HDAC4: variants seen among roughly 807,000 people sequenced by gnomAD.
The protein encoded by HDAC4 is histone deacetylase 4.
HDAC4 carries 16 observed loss-of-function variants against 135.1 expected under a neutral mutation model. The ratio of observed to expected loss-of-function variants is 0.12; its 90% confidence interval spans 0.08 to 0.18. The LOEUF is 0.18. HDAC4 is among the 10% of genes least tolerant of loss of function. The pLI, the probability that HDAC4 is intolerant of heterozygous loss-of-function variation, is 1.00. For missense variants in HDAC4, 1,143 were observed against 1,511.8 expected, an observed-to-expected ratio of 0.76 and a Z score of 4.05; for synonymous variants, 685 against 653.4, an observed-to-expected ratio of 1.05 and a Z score of -0.74.
intron 2 of HDAC4, among the ~76,000 whole-genome samples, chr2:239,338,770 G>A (rs892217385): frequency 4.6e-5 from 7 of 152,170 alleles, no homozygotes; most frequent in African/African-American, 7.2e-5. Flanking sequence ...GATTCCATAA[G>A]CATCCAAGGC....
At chr2:239,372,120 T>C (rs1694666220) in intron 1 of HDAC4, among the ~76,000 whole-genome samples, 1 of 152,144 alleles carries the variant, frequency 6.6e-6, no homozygotes, top group Non-Finnish European at 1.5e-5. Context: ...CATAGGAACC[T>C]GATGGGGAGC....
chr2:239,369,259 A>G (rs571397516), intron 1 of HDAC4, among the ~76,000 whole-genome samples: 27 of 152,240 alleles, frequency 1.8e-4, no homozygotes, highest in Admixed American at 7.2e-4. Flanking sequence ...AACTGCCCAC[A>G]GTTCTGAGTT....
chr2:239,291,323 C>G (rs1321497099), intron 2 of HDAC4, among the ~76,000 whole-genome samples: 1 of 152,202 alleles, frequency 6.6e-6, no homozygotes, highest in Non-Finnish European at 1.5e-5. Flanking sequence ...ATGGGCCTTG[C>G]CAGGCCAGCT....
chr2:239,258,956 T>C (rs931509364), intron 2 of HDAC4, among the ~76,000 whole-genome samples: 31 of 152,090 alleles, frequency 2.0e-4, no homozygotes, highest in African/African-American at 7.5e-4. Context: ...CTATGCAAAG[T>C]ATGGAAAGAA....
intron 3 of HDAC4, among the ~76,000 whole-genome samples, chr2:239,190,823 A>G (rs1342989338): frequency 6.6e-6 from 1 of 152,236 alleles, no homozygotes; most frequent in African/African-American, 2.4e-5. Flanking sequence ...AGCTGAATCA[A>G]TTTCATTCCT....
Position 239,068,283 on chromosome 2 carries a change from G to A in HDAC4, c.2869+206C>T, listed in dbSNP as rs1441384065. On this transcript the variant is annotated intron_variant, in intron 23 of 26. Coordinates refer to ENST00000543185, the MANE Select transcript of HDAC4 (RefSeq NM_001378414.1). This position sits in a 1 kb window ranked among gnomAD's most constrained non-coding sequence, Gnocchi z 4.4. ...CCTTCCTGGGCAAAGAGTGCCCGAG[G>A]TGCCTGGGTCTGAGCTCCCGCTGCC... Among the ~76,000 whole-genome samples the A allele has an allele frequency of 3.9e-5, 6 of 152,214 alleles. No individual in the cohort carries two copies. Among genetic ancestry groups the A allele is most frequent in the African/African-American group, 1.2e-4 (5 of 41,460 alleles).
At chr2:239,355,723 T>C (rs1693450766) in intron 1 of HDAC4, among the ~76,000 whole-genome samples, 1 of 152,214 alleles carries the variant, frequency 6.6e-6, no homozygotes, top group Non-Finnish European at 1.5e-5. Context: ...TTTATTTATC[T>C]TCAAATAGGA....
intron 24 of HDAC4, among the ~76,000 whole-genome samples, chr2:239,062,321 C>T (rs891820191): frequency 2.0e-5 from 3 of 152,352 alleles, no homozygotes; most frequent in Non-Finnish European, 2.9e-5. Context: ...ACAGGGTCCC[C>T]GCAGGCCACT....
At chr2:239,393,976 C>T (rs962988510) in intron 1 of HDAC4, among the ~76,000 whole-genome samples, 1 of 150,686 alleles carries the variant, frequency 6.6e-6, no homozygotes, top group Admixed American at 6.6e-5. Flanking sequence ...ACCCCCCCTC[C>T]ACCCCCAACC....
In HDAC4 at chr2:239,180,879, C is replaced by T. The variant is rs117990216; in HGVS notation, c.340-4316G>A. Among the ~76,000 whole-genome samples the T allele has an allele frequency of 1.2e-3, 183 of 152,354 alleles. 1 individual carries two copies. In the East Asian group the frequency reaches 0.014, roughly 12 times the overall value. On this transcript the variant is annotated intron_variant, in intron 4 of 26. Coordinates refer to ENST00000543185, the MANE Select transcript of HDAC4 (RefSeq NM_001378414.1). ...CCAGCCTCCAGGACGGAGACCACAG[C>T]GCTGGTCTTTCCCGGCCCACCTGGG...
intron 2 of HDAC4, among the ~76,000 whole-genome samples, chr2:239,272,232 C>T (rs1433755202): frequency 6.6e-6 from 1 of 152,198 alleles, no homozygotes; most frequent in Non-Finnish European, 1.5e-5. Flanking sequence ...AGGGGGCCCA[C>T]ATCATCGTTC....
At position 239,048,645 on chromosome 2, in the gene HDAC4, A is replaced by G. The variant is rs1227644744; in HGVS notation, c.*4452T>C. 1.3e-5 allele frequency: 2 copies of G among 152,194 alleles called. No homozygotes were observed. Among genetic ancestry groups the G allele is most frequent in the Admixed American group, 1.3e-4 (2 of 15,278 alleles). 9.4% of individuals were successfully genotyped at this position (152,194 alleles called of 1,614,324 possible). A position where few individuals can be genotyped will look rare whatever the true frequency, so the allele number is the denominator to read the frequency against. On this transcript the variant is annotated 3_prime_UTR_variant, in exon 27 of 27. Coordinates refer to ENST00000543185, the MANE Select transcript of HDAC4 (RefSeq NM_001378414.1). ...TTGGAAAATAGCGCCTCCACTATGG[A>G]GCACACACGGCAAAAAAAACAAACA... is the stretch of plus-strand genomic sequence containing the variant.
intron 2 of HDAC4, among the ~76,000 whole-genome samples, chr2:239,282,934 GCAAA>G (rs1449403192): frequency 2.0e-4 from 27 of 133,382 alleles, no homozygotes; most frequent in African/African-American, 5.2e-4. Context: ...ACACCACTCT[GCAAA>G]CAATGTACAC....
At chr2:239,271,807 C>T (rs2050074786) in intron 2 of HDAC4, among the ~76,000 whole-genome samples, 1 of 152,176 alleles carries the variant, frequency 6.6e-6, no homozygotes, top group Non-Finnish European at 1.5e-5. Flanking sequence ...CATAATTAAC[C>T]TCTCAACAGG....
At position 239,111,668 on chromosome 2, in the gene HDAC4, G is replaced by T; in HGVS notation, c.1836C>A (p.Asn612Lys). 6.2e-7 allele frequency: 1 copy of T among 1,605,274 alleles called. No homozygotes were observed. The highest frequency in any genetic ancestry group is 8.5e-7 in the Non-Finnish European group (1 of 1,176,592). ...LEQQRIHQLR[N>K]YQASMEAAGI... is the part of the protein sequence containing the mutation. ...CGGCGGCCTCCATGGACGCCTGGTAGTTCCTCAGCTGGTGGATCCGCTGCT... is the reference window on the plus strand; with the variant it reads ...CGGCGGCCTCCATGGACGCCTGGTATTTCCTCAGCTGGTGGATCCGCTGCT... Residue 612 changes from asparagine (N) to lysine (K), a missense_variant, in exon 14 of 27, where the codon AAC (asparagine) becomes AAA (lysine). By Grantham distance (94) the Asn-to-Lys change is moderately conservative. Around this residue, in one of 9 missense-constraint regions of HDAC4, gnomAD observed 196 missense variants for 210.7 expected, o/e 0.93. Transcript: ENST00000543185.
intron 26 of HDAC4, 130 bp from the exon 27 acceptor site, chr2:239,053,266 G>C: frequency 2.2e-6 from 3 of 1,362,698 alleles, no homozygotes; most frequent in Non-Finnish European, 3.1e-6. Flanking sequence ...GCAGCCCCGG[G>C]TCCATCTGTT....
Position 239,309,705 on chromosome 2 carries a change from T to C in HDAC4, c.22+42973A>G, listed in dbSNP as rs920826742. ...GGCAGAGCTCCGCCAGCAAGTATCC[T>C]GGGAGCTGGGGGGCCTCAAGGGAGG... On this transcript the variant is annotated intron_variant, in intron 2 of 26. Coordinates refer to ENST00000543185, the MANE Select transcript of HDAC4 (RefSeq NM_001378414.1). The surrounding 1 kb of genome is among the most constrained non-coding windows in gnomAD (Gnocchi z 4.2). 6.6e-6 allele frequency among the ~76,000 whole-genome samples: 1 copy of C among 152,236 alleles called. No individual in the cohort carries two copies. Among genetic ancestry groups the C allele is most frequent in the African/African-American group, 2.4e-5 (1 of 41,472 alleles).
At chr2:239,222,187 G>C (rs780691707) in intron 3 of HDAC4, among the ~76,000 whole-genome samples, 1 of 152,156 alleles carries the variant, frequency 6.6e-6, no homozygotes, top group African/African-American at 2.4e-5. Flanking sequence ...GTGGAATTCC[G>C]TGTGCAGAGT....
At position 239,081,086 on chromosome 2, in the gene HDAC4, GA is replaced by G; in HGVS notation, c.2750+8del. 6.2e-7 allele frequency: 1 copy of G among 1,602,836 alleles called. No individual in the cohort carries two copies. Among genetic ancestry groups the G allele is most frequent in the Non-Finnish European group, 8.5e-7 (1 of 1,170,406 alleles). ...TACTTCAGGTGTCATGTGAAGCCGGGAGGCTCACCTGAAGGCCGCCAAGTAC... is the reference window on the plus strand; with the variant it reads ...TACTTCAGGTGTCATGTGAAGCCGGGGGCTCACCTGAAGGCCGCCAAGTAC... On this transcript the variant is annotated splice_region_variant and intron_variant, in intron 22 of 26. Transcript: ENST00000543185.
Sources: allele counts gnomAD v4.1 joint callset (sites outside exome capture counted in the v4.1 genomes callset), GRCh38; gene constraint gnomAD v4.1.1; regional missense constraint gnomAD v4.1.1; non-coding constraint Gnocchi (gnomAD v3.1); transcripts MANE v1.5; gene names NCBI Gene and HGNC (gene_info 2026-07-23, HGNC 2026-07-21).